Variants in MGRN1 observed in about 807,000 individuals in gnomAD.
MGRN1 encodes mahogunin ring finger 1.
Under a neutral mutation model 69.2 loss-of-function variants are expected in MGRN1, and 29 were observed. The observed-to-expected ratio is 0.42, with a 90% CI of 0.31 to 0.57. The LOEUF is 0.57. MGRN1 is among the 20% of genes least tolerant of loss of function. The pLI is 0.15. For synonymous variants in MGRN1, 470 were observed against 344.2 expected (o/e 1.37, Z -4.04); for missense variants, 998 against 796.2 (o/e 1.25, Z -3.05).
rs915513371 is a variant in MGRN1, at chr16:4,667,874, G to A, written c.679-391G>A. On this transcript the variant is annotated intron_variant, in intron 7 of 16. Coordinates refer to ENST00000262370, the MANE Select transcript of MGRN1 (RefSeq NM_015246.4). ...GCCGGGCCTGGGAGAGCAGGAAGCT[G>A]TTTTGTCTGTCTTGATTCTTGCTGC... 3.6e-4 allele frequency among the ~76,000 whole-genome samples: 55 copies of A among 152,144 alleles called. 1 individual carries two copies. Among genetic ancestry groups the A allele is most frequent in the Non-Finnish European group, 1.2e-4 (8 of 68,032 alleles).
intron 1 of MGRN1, among the ~76,000 whole-genome samples, chr16:4,632,831 C>A (rs941111837): frequency 3.9e-5 from 6 of 152,114 alleles, no homozygotes; most frequent in African/African-American, 1.4e-4. Context: ...ATTTGTAATC[C>A]CAGCACTTTG....
intron 16 of MGRN1, among the ~76,000 whole-genome samples, chr16:4,684,669 T>G (rs1328852142): frequency 6.6e-6 from 1 of 152,238 alleles, no homozygotes; most frequent in Non-Finnish European, 1.5e-5. Context: ...CGTGCTCTGC[T>G]CTGCTGGGAT....
chr16:4,674,616 C>CTTT (rs2079014015), intron 10 of MGRN1, among the ~76,000 whole-genome samples: 1 of 71,408 alleles, frequency 1.4e-5, no homozygotes, highest in Admixed American at 1.6e-4. Context: ...TTTTTCTTTT[C>CTTT]TTTTCTTTTC....
chr16:4,654,960 T>G (rs1388510889), intron 4 of MGRN1, among the ~76,000 whole-genome samples: 2 of 152,170 alleles, frequency 1.3e-5, no homozygotes, highest in African/African-American at 4.8e-5. Flanking sequence ...GGCACTTGAT[T>G]ATATTTCTTT....
chr16:4,631,657 G>A (rs1427597122), intron 1 of MGRN1, among the ~76,000 whole-genome samples: 1 of 152,170 alleles, frequency 6.6e-6, no homozygotes, highest in Non-Finnish European at 1.5e-5. Context: ...TGTGAAATCA[G>A]GTAGCATAAG....
chr16:4,665,716 C>G (rs1300665308), intron 7 of MGRN1, among the ~76,000 whole-genome samples: 1 of 143,952 alleles, frequency 6.9e-6, no homozygotes, highest in Non-Finnish European at 1.5e-5. Context: ...GTCATCCAGG[C>G]TGGAGTGCAG....
chr16:4,651,978 C>G lies in MGRN1; in HGVS notation c.223C>G (p.Pro75Ala). Residue 75 changes from proline to alanine, a missense_variant, in exon 3 of 17, where the codon CCT becomes GCT. Physicochemically the swap from Pro to Ala is conservative, Grantham distance 27 (BLOSUM62 -1). Coordinates refer to ENST00000262370, the MANE Select transcript of MGRN1 (RefSeq NM_015246.4). Reference sequence around the variant, plus strand: ...TTTCTCCTAGTTTCCCTACGTCACTCCTGCCCCCCACGAGCCCGTGAAGAC... The same window carrying G: ...TTTCTCCTAGTTTCCCTACGTCACTGCTGCCCCCCACGAGCCCGTGAAGAC... ...SRPVQFPYVT[P>A]APHEPVKTLR... is the part of the protein sequence containing the mutation. 1 of 1,614,038 alleles carries G rather than the reference C, an allele frequency of 6.2e-7. No homozygotes were observed. The highest frequency in any genetic ancestry group is 8.5e-7 in the Non-Finnish European group (1 of 1,179,958).
chr16:4,652,968 G>C, intron 4 of MGRN1, 144 bp downstream of exon 4: 1 of 1,157,602 alleles, frequency 8.6e-7, no homozygotes, highest in Non-Finnish European at 1.1e-6. Context: ...GATGTGAGGG[G>C]TTTCTCCCAC....
rs1567200939 is a variant in MGRN1 at position 4,657,382 on chromosome 16, C to T, written c.561+19C>T. 3 of 1,606,204 alleles carry T rather than the reference C, an allele frequency of 1.9e-6. No individual in the cohort carries two copies. Among genetic ancestry groups the T allele is most frequent in the African/African-American group, 2.7e-5 (2 of 74,816 alleles). ...TGACGAGGTAATGCTGGCTGGGCGG[C>T]TCCTTGCCCTTCGCTCCTCCTGAAT... is the stretch of plus-strand genomic sequence containing the variant. On this transcript the variant is annotated intron_variant, in intron 5 of 16. Transcript: ENST00000262370.
At chr16:4,662,623 C>T (rs1371121026) in intron 5 of MGRN1, among the ~76,000 whole-genome samples, 3 of 152,200 alleles carry the variant, frequency 2.0e-5, no homozygotes, top group African/African-American at 7.2e-5. Context: ...GCGCTTTATC[C>T]TTGAAACCCA....
intron 4 of MGRN1, among the ~76,000 whole-genome samples, chr16:4,654,032 G>A (rs1234629706): frequency 2.0e-5 from 3 of 152,152 alleles, no homozygotes; most frequent in Non-Finnish European, 4.4e-5. Context: ...GATTACAGCC[G>A]TGAGCCCCCA....
intron 8 of MGRN1, among the ~76,000 whole-genome samples, chr16:4,670,176 G>T (rs985260554): frequency 6.7e-6 from 1 of 148,916 alleles, no homozygotes; most frequent in Non-Finnish European, 1.5e-5. Flanking sequence ...GTGATTTCTC[G>T]TTCAGGCTCC....
rs774516010 is a variant in MGRN1 at position 4,680,035 on chromosome 16, C to T, written c.1069C>T (p.Pro357Ser). ...QSLEHDEHSC[P>S]FKKSKPHPAS... is the part of the protein sequence containing the mutation. ...CATATGATTTTTATCTTGACAGTGT[C>T]CCTTTAAAAAATCAAAGCCGCACCC... Residue 357 changes from proline to serine, a missense_variant, in exon 12 of 17, where the codon CCC (proline) becomes TCC (serine). Physicochemically the swap from Pro to Ser is moderately conservative, Grantham distance 74 (BLOSUM62 -1). Transcript: ENST00000262370. The T allele has an allele frequency of 1.9e-6, 3 of 1,613,782 alleles. No individual in the cohort carries two copies. The highest frequency in any genetic ancestry group is 2.5e-6 in the Non-Finnish European group (3 of 1,179,882).
chr16:4,666,660 C>T (rs183983767), intron 7 of MGRN1, among the ~76,000 whole-genome samples: 51 of 152,242 alleles, frequency 3.3e-4, no homozygotes, highest in African/African-American at 1.2e-3. Flanking sequence ...TTGGGTGTCA[C>T]CTGGCACATG....
chr16:4,686,229 T>A (rs1204308624), intron 16 of MGRN1: 1 of 1,540,058 alleles, frequency 6.5e-7, no homozygotes, highest in Non-Finnish European at 8.7e-7. Context: ...CTAACCGAGC[T>A]TCCGTCTGTC....
intron 11 of MGRN1, 40 bp from the exon 12 acceptor site, chr16:4,679,992 G>C: frequency 6.3e-7 from 1 of 1,597,426 alleles, no homozygotes; most frequent in Non-Finnish European, 8.6e-7. Flanking sequence ...GGGCCGCGTG[G>C]GGGTGGTAGT....
At position 4,681,588 on chromosome 16, in the gene MGRN1, G is replaced by A. The variant is rs372689801; in HGVS notation, c.1170G>A (p.Ser390=). The change falls in exon 13 of 17, where the codon TCG becomes TCA. Residue 390 remains serine (S), a synonymous_variant. Coordinates refer to ENST00000262370, the MANE Select transcript of MGRN1 (RefSeq NM_015246.4). ...DSVPPGYEPI[S]LLEALNGLRA... ...TCCCACCTGGCTACGAGCCCATCTC[G>A]CTGCTCGAGGCGCTCAACGGCCTCC... The A allele has an allele frequency of 1.4e-5, 23 of 1,613,376 alleles. No homozygotes were observed. The highest frequency in any genetic ancestry group is 1.6e-4 in the Middle Eastern group (1 of 6,082).
intron 7 of MGRN1, among the ~76,000 whole-genome samples, chr16:4,665,664 G>A (rs1014637290): frequency 4.1e-5 from 6 of 146,650 alleles, no homozygotes; most frequent in Admixed American, 2.7e-4. Context: ...CCACGTGCCC[G>A]GCCTTTTTTT....
intron 10 of MGRN1, among the ~76,000 whole-genome samples, chr16:4,676,450 C>G (rs1684604): frequency 0.5 from 75,438 of 152,002 alleles, 19,988 homozygotes; most frequent in East Asian, 0.65. Flanking sequence ...CTGGAATCTT[C>G]AGGTGTGTGG....
Sources: allele counts gnomAD v4.1 joint callset (sites outside exome capture counted in the v4.1 genomes callset), GRCh38; gene constraint gnomAD v4.1.1; transcripts MANE v1.5; gene names NCBI Gene and HGNC (gene_info 2026-07-23, HGNC 2026-07-21).